The following CCSER1 variants were observed in gnomAD, a reference collection of about 807,000 sequenced individuals.
CCSER1 encodes the protein coiled-coil serine rich protein 1.
Under a neutral mutation model 82.0 loss-of-function variants are expected in CCSER1, and 41 were observed. That is an observed-to-expected ratio of 0.50 (90% CI 0.39 to 0.65). The LOEUF (loss-of-function observed/expected upper bound fraction) is 0.65. Ranked by LOEUF, CCSER1 falls within the 30% of genes least tolerant of loss-of-function variation. The probability of loss-of-function intolerance (pLI) is 0.00; values close to 1 mark genes in which losing one functional copy is unlikely to be tolerated. For missense variants in CCSER1, 1,119 were observed against 1,064.2 expected, an observed-to-expected ratio of 1.05 and a Z score of -0.72; for synonymous variants, 414 against 383.9, an observed-to-expected ratio of 1.08 and a Z score of -0.92.
intron 10 of CCSER1, among the ~76,000 whole-genome samples, chr4:91,305,651 G>GTGTA (rs149544926): frequency 0.076 from 11,553 of 151,650 alleles, 1,405 homozygotes; most frequent in African/African-American, 0.26. Context: ...TTTTGTCAGT[G>GTGTA]TGTATGTATG....
At chr4:91,339,001 C>CT (rs1440387458) in intron 10 of CCSER1, among the ~76,000 whole-genome samples, 2 of 152,144 alleles carry the variant, frequency 1.3e-5, no homozygotes, top group Non-Finnish European at 2.9e-5. Context: ...TCTGCCTTCC[C>CT]TATCATATCA....
intron 8 of CCSER1, among the ~76,000 whole-genome samples, chr4:90,887,759 G>A (rs1722354910): frequency 6.6e-6 from 1 of 152,118 alleles, no homozygotes; most frequent in African/African-American, 2.4e-5. Flanking sequence ...GTGCGCACCT[G>A]TAGTCTCTGC....
intron 10 of CCSER1, among the ~76,000 whole-genome samples, chr4:91,508,067 C>T (rs1694449930): frequency 1.4e-5 from 2 of 142,020 alleles, no homozygotes; most frequent in South Asian, 4.4e-4. Context: ...ACATCTGTGC[C>T]TTTTTTTTTC....
intron 10 of CCSER1, among the ~76,000 whole-genome samples, chr4:91,200,537 C>A (rs1022591589): frequency 2.0e-5 from 3 of 151,992 alleles, no homozygotes; most frequent in African/African-American, 7.2e-5. Context: ...ACATAGAAGC[C>A]TTCAAAGCTA....
intron 8 of CCSER1, among the ~76,000 whole-genome samples, chr4:90,846,676 A>G (rs1214640683): frequency 2.0e-5 from 3 of 152,068 alleles, no homozygotes; most frequent in African/African-American, 7.2e-5. Context: ...TATTCCTTCT[A>G]ACTAACTGTA....
intron 10 of CCSER1, among the ~76,000 whole-genome samples, chr4:91,455,532 T>C (rs1756115569): frequency 6.6e-6 from 1 of 152,008 alleles, no homozygotes; most frequent in African/African-American, 2.4e-5. Context: ...CAAGGCCTCA[T>C]TAGACACCGT....
chr4:91,199,573 C>G, intron 10 of CCSER1, among the ~76,000 whole-genome samples: 1 of 151,754 alleles, frequency 6.6e-6, no homozygotes, highest in East Asian at 1.9e-4. Context: ...ATTTTCAAGC[C>G]ATTTGGAGCT....
intron 5 of CCSER1, among the ~76,000 whole-genome samples, chr4:90,497,840 G>A (rs9998060): frequency 3.0e-3 from 450 of 152,222 alleles, no homozygotes; most frequent in African/African-American, 0.01. Context: ...TGGGATTCAG[G>A]TCTAGTATAC....
chr4:91,094,700 G>C (rs959655303), intron 10 of CCSER1, among the ~76,000 whole-genome samples: 1 of 152,108 alleles, frequency 6.6e-6, no homozygotes, highest in Non-Finnish European at 1.5e-5. Flanking sequence ...TTGATTGATC[G>C]TCAGCCCTGG....
chr4:90,243,368 C>G (rs887380871), intron 1 of CCSER1, among the ~76,000 whole-genome samples: 1 of 152,042 alleles, frequency 6.6e-6, no homozygotes, highest in Admixed American at 6.6e-5. Flanking sequence ...CCTGCTTCAG[C>G]CTCCTGAGTA....
rs191591940 is a variant in CCSER1, at chr4:91,357,385, C to T, written c.2218-241187C>T. 2.6e-3 allele frequency among the ~76,000 whole-genome samples: 398 copies of T among 152,168 alleles called. 2 individuals carry two copies. Among genetic ancestry groups the T allele is most frequent in the African/African-American group, 9.4e-3 (389 of 41,512 alleles). On this transcript the variant is annotated intron_variant, in intron 10 of 10. Coordinates refer to ENST00000509176, the MANE Select transcript of CCSER1 (RefSeq NM_001145065.2). ...ATCTTTTATAATTTTTGTTAAAGAG[C>T]AGGTTGATGCTTTAAGAAAAACTTG...
At chr4:90,804,970 A>G (rs2149714593) in intron 7 of CCSER1, among the ~76,000 whole-genome samples, 1 of 152,354 alleles carries the variant, frequency 6.6e-6, no homozygotes, top group Non-Finnish European at 1.5e-5. Context: ...CATTGCAAAT[A>G]TAATTTAAAT....
intron 9 of CCSER1, among the ~76,000 whole-genome samples, chr4:91,078,542 C>T (rs780678876): frequency 5.3e-5 from 8 of 152,246 alleles, no homozygotes; most frequent in Non-Finnish European, 8.8e-5. Context: ...GAACGCAGCT[C>T]CTCGCCAGCA....
chr4:90,602,801 GGAAC>G (rs1784186484), intron 5 of CCSER1, among the ~76,000 whole-genome samples: 2 of 152,142 alleles, frequency 1.3e-5, no homozygotes, highest in African/African-American at 4.8e-5. Flanking sequence ...TCACTGAGAA[GGAAC>G]AAGTGTAATC....
chr4:90,580,766 C>T (rs902098086), intron 5 of CCSER1, among the ~76,000 whole-genome samples: 1 of 152,174 alleles, frequency 6.6e-6, no homozygotes, highest in Admixed American at 6.5e-5. Context: ...GTTACAAACT[C>T]TTTACATTTC....
chr4:90,860,750 A>C (rs1580814027), intron 8 of CCSER1, among the ~76,000 whole-genome samples: 1 of 151,748 alleles, frequency 6.6e-6, no homozygotes, highest in African/African-American at 2.4e-5. Context: ...AAGTCAAAGA[A>C]GGCAGAGAGA....
chr4:90,516,399 G>A (rs897259533), intron 5 of CCSER1, among the ~76,000 whole-genome samples: 22 of 152,120 alleles, frequency 1.4e-4, no homozygotes, highest in Non-Finnish European at 2.9e-4. Flanking sequence ...GAAACTTGGG[G>A]TGAGCGTTAG....
At chr4:91,349,394 T>C (rs73835164) in intron 10 of CCSER1, among the ~76,000 whole-genome samples, 5,411 of 149,880 alleles carry the variant, frequency 0.036, 302 homozygotes, top group African/African-American at 0.13. Flanking sequence ...GTCTCAGTCA[T>C]GTACTTCTTT....
intron 10 of CCSER1, among the ~76,000 whole-genome samples, chr4:91,200,128 A>G (rs1735788124): frequency 6.6e-6 from 1 of 152,080 alleles, no homozygotes; most frequent in South Asian, 2.1e-4. Flanking sequence ...TTTGACAAAT[A>G]TATCCTTGAA....
Sources: gnomAD v4.1 joint callset for allele counts (sites outside exome capture counted in the v4.1 genomes callset) on GRCh38, gnomAD v4.1.1 for gene constraint, MANE v1.5 for transcripts, NCBI Gene and HGNC (gene_info 2026-07-23, HGNC 2026-07-21) for gene names.